The following PEAK1 variants were observed in gnomAD, a reference collection of about 807,000 sequenced individuals.
PEAK1 encodes inactive tyrosine-protein kinase PEAK1.
Under a neutral mutation model 124.7 loss-of-function variants are expected in PEAK1, and 54 were observed. The ratio of observed to expected loss-of-function variants is 0.43; its 90% CI spans 0.35 to 0.54. The LOEUF is 0.54. Ranked by LOEUF, PEAK1 falls within the 20% of genes least tolerant of loss-of-function variation. The pLI, the probability that PEAK1 is intolerant of heterozygous loss-of-function variation, is 0.01. For synonymous variants in PEAK1, 719 were observed against 760.0 expected, an observed-to-expected ratio of 0.95 and a Z score of 0.89; for missense variants, 2,046 against 2,134.5, an observed-to-expected ratio of 0.96 and a Z score of 0.82.
intron 2 of PEAK1, among the ~76,000 whole-genome samples, chr15:77,329,630 T>G (rs887186726): frequency 6.6e-6 from 1 of 152,206 alleles, no homozygotes; most frequent in Non-Finnish European, 1.5e-5. Flanking sequence ...ACAAATGATT[T>G]TCAGGAAATC....
intron 6 of PEAK1, among the ~76,000 whole-genome samples, chr15:77,224,033 T>C (rs2059517237): frequency 6.6e-6 from 1 of 151,844 alleles, no homozygotes; most frequent in Admixed American, 6.6e-5. Context: ...ACAAATTTTA[T>C]TCATTTTCTT....
At chr15:77,419,642 TC>T (rs1412938069) in intron 1 of PEAK1, 3 of 984,356 alleles carry the variant, frequency 3.0e-6, no homozygotes, top group Non-Finnish European at 3.6e-6. Flanking sequence ...GGCTTCACTT[TC>T]CCCCGCAACC....
At chr15:77,354,647 A>G (rs2067397205) in intron 2 of PEAK1, among the ~76,000 whole-genome samples, 1 of 152,184 alleles carries the variant, frequency 6.6e-6, no homozygotes, top group East Asian at 1.9e-4. Flanking sequence ...ACTTATACTC[A>G]TGGTGGTTAT....
chr15:77,148,767 T>A (rs1237277970), intron 8 of PEAK1, among the ~76,000 whole-genome samples: 2 of 151,048 alleles, frequency 1.3e-5, no homozygotes, highest in Admixed American at 6.6e-5. Flanking sequence ...AAAAAAAAAT[T>A]AAAAAATTAG....
intron 2 of PEAK1, among the ~76,000 whole-genome samples, chr15:77,302,498 T>C (rs547454871): frequency 6.6e-6 from 1 of 152,164 alleles, no homozygotes; most frequent in Non-Finnish European, 1.5e-5. Flanking sequence ...AATTCCAGTA[T>C]ACATGCATGG....
chr15:77,109,318 T>TCA lies in PEAK1; in HGVS notation c.*4837_*4838insTG, dbSNP rs1566972980. Reference sequence around the variant, plus strand: ...TGTATCTGCCAGGGCTTTCTTCATCTTCATCATCATCATCATCTTCTAATA... The same window carrying TCA: ...TGTATCTGCCAGGGCTTTCTTCATCTCATCATCATCATCATCATCTTCTAATA... On this transcript the variant is annotated 3_prime_UTR_variant, in exon 10 of 10. Transcript: ENST00000682557. 4 of 152,284 alleles carry TCA rather than the reference T, an allele frequency of 2.6e-5. No homozygotes were observed. The highest frequency in any genetic ancestry group is 9.6e-5 in the African/African-American group (4 of 41,524). 9.4% of individuals were successfully genotyped at this position (152,284 alleles called of 1,614,324 possible).
intron 1 of PEAK1, among the ~76,000 whole-genome samples, chr15:77,367,886 A>G (rs190399177): frequency 9.8e-5 from 15 of 152,300 alleles, no homozygotes; most frequent in Admixed American, 9.8e-4. Flanking sequence ...AAGCTTGGGT[A>G]TGTTTCTCCA....
rs2066142368 is a variant in PEAK1 at position 77,335,476 on chromosome 15, T to C, written c.-603+29687A>G. On this transcript the variant is annotated intron_variant, in intron 2 of 9. Transcript: ENST00000682557. ...GTATTCTTATCACTATACATCACGT[T>C]GATGCTTACTACTTTGTTTCAAGAG... The C allele has an allele frequency of 3.0e-6, 3 of 985,400 alleles. No individual in the cohort carries two copies. In the African/African-American group the frequency reaches 5.2e-5, roughly 17 times the overall value. The allele number at this position is 985,400 out of a possible 1,614,324, so 61.0% of individuals were successfully genotyped here. A position where few individuals can be genotyped will look rare whatever the true frequency, so the allele number is the denominator to read the frequency against.
chr15:77,135,472 C>T (rs2053239328), intron 8 of PEAK1, among the ~76,000 whole-genome samples: 1 of 152,128 alleles, frequency 6.6e-6, no homozygotes, highest in African/African-American at 2.4e-5. Flanking sequence ...CACACCTAGG[C>T]CATATGGTAT....
chr15:77,177,837 T>C (rs1250936052), intron 7 of PEAK1: 1 of 152,188 alleles, frequency 6.6e-6, no homozygotes, highest in Non-Finnish European at 1.5e-5. Flanking sequence ...CCTAAACATA[T>C]GTATTTATGT....
In PEAK1 at chr15:77,200,677, G is replaced by C. The variant is rs543994563; in HGVS notation, c.-114-18637C>G. On this transcript the variant is annotated intron_variant, in intron 6 of 9. Coordinates refer to ENST00000682557, the MANE Select transcript of PEAK1 (RefSeq NM_001385026.1). ...GAAAACCATATTCAATATCTAAAAG[G>C]CTTTTGTTTATTTATTTTGAAAATC... Among the ~76,000 whole-genome samples, 296 of 152,106 alleles carry C rather than the reference G, an allele frequency of 1.9e-3. 1 individual carries two copies. Among genetic ancestry groups the C allele is most frequent in the African/African-American group, 6.8e-3 (284 of 41,480 alleles).
At chr15:77,286,978 G>A (rs750487071) in intron 2 of PEAK1, among the ~76,000 whole-genome samples, 42 of 152,114 alleles carry the variant, frequency 2.8e-4, no homozygotes, top group Non-Finnish European at 5.3e-4. Context: ...GTGTACATAT[G>A]CATCATATCT....
chr15:77,313,708 A>ATGTGTGTG (rs1216011901), intron 2 of PEAK1, among the ~76,000 whole-genome samples: 4 of 93,774 alleles, frequency 4.3e-5, no homozygotes, highest in African/African-American at 1.7e-4. Flanking sequence ...ATATATATGT[A>ATGTGTGTG]TGTGTGTGTG....
intron 2 of PEAK1, among the ~76,000 whole-genome samples, chr15:77,288,878 G>A (rs563423263): frequency 3.4e-5 from 5 of 147,288 alleles, no homozygotes; most frequent in South Asian, 2.1e-4. Flanking sequence ...GCAGTGAGCC[G>A]AGATAGTGCC....
chr15:77,155,359 C>A (rs1158134118), intron 8 of PEAK1: 1 of 152,212 alleles, frequency 6.6e-6, no homozygotes, highest in Non-Finnish European at 1.5e-5. Context: ...GACTTCTCTG[C>A]ATTGGTTATT....
At chr15:77,136,574 G>A (rs2053347847) in intron 8 of PEAK1, among the ~76,000 whole-genome samples, 1 of 152,230 alleles carries the variant, frequency 6.6e-6, no homozygotes. Flanking sequence ...GGTGAGCCAG[G>A]AGAATCGCTT....
intron 7 of PEAK1, among the ~76,000 whole-genome samples, chr15:77,175,958 A>T (rs2056837091): frequency 6.6e-6 from 1 of 152,350 alleles, no homozygotes; most frequent in East Asian, 1.9e-4. Flanking sequence ...TTGTAGGGAC[A>T]TGGATGAAAT....
chr15:77,409,711 C>G lies in PEAK1; in HGVS notation c.-666+10295G>C, dbSNP rs1186919731. 3.3e-5 allele frequency among the ~76,000 whole-genome samples: 5 copies of G among 152,138 alleles called. No homozygotes were observed. The South Asian group carries it at 1.0e-3, about 32-fold the overall frequency. On this transcript the variant is annotated intron_variant, in intron 1 of 9. Transcript: ENST00000682557. ...CAGAGGGATTTGTTTTCCTTTAACA[C>G]TCAGCATATGCAATTTTGAGAAAAT...
chr15:77,279,074 T>C (rs2062508905), intron 5 of PEAK1, among the ~76,000 whole-genome samples: 1 of 151,132 alleles, frequency 6.6e-6, no homozygotes, highest in Non-Finnish European at 1.5e-5. Flanking sequence ...GTGAACCGGC[T>C]GCCTCAGCCT....
Sources: allele counts gnomAD v4.1 joint callset (sites outside exome capture counted in the v4.1 genomes callset), GRCh38; gene constraint gnomAD v4.1.1; transcripts MANE v1.5; gene names NCBI Gene and HGNC (gene_info 2026-07-23, HGNC 2026-07-21).